The following MAP4 variants were observed in gnomAD, a reference collection of about 807,000 sequenced individuals.
MAP4 encodes the protein microtubule-associated protein 4.
Under a neutral mutation model 170.2 loss-of-function variants are expected in MAP4, and 76 were observed. That is an observed-to-expected ratio of 0.45 (90% CI 0.37 to 0.54). The LOEUF (loss-of-function observed/expected upper bound fraction) is 0.54, where lower values mean the gene tolerates loss of function less well. MAP4 is among the 20% of genes least tolerant of loss of function. MAP4 has a pLI of 0.00. For synonymous variants in MAP4, 909 were observed against 994.5 expected (o/e 0.91, Z 1.62); for missense variants, 2,506 against 2,748.0 (o/e 0.91, Z 1.97).
chr3:48,087,156 T>G (rs1452713026), intron 1 of MAP4, among the ~76,000 whole-genome samples: 2 of 152,224 alleles, frequency 1.3e-5, no homozygotes, highest in African/African-American at 4.8e-5. Flanking sequence ...ATTTGAAAAG[T>G]AGTAGTACGG....
intron 10 of MAP4, among the ~76,000 whole-genome samples, chr3:47,882,379 TTC>T (rs1465483318): frequency 2.6e-5 from 4 of 152,270 alleles, no homozygotes; most frequent in African/African-American, 7.2e-5. Flanking sequence ...TTTTTCTCAT[TTC>T]TGTTTCACTT....
chr3:48,056,727 G>T (rs1175512266), intron 1 of MAP4, among the ~76,000 whole-genome samples: 61 of 75,568 alleles, frequency 8.1e-4, no homozygotes, highest in South Asian at 3.1e-3. Flanking sequence ...GCCTCTGCCC[G>T]GCCGCCCCTA....
chr3:47,909,922 A>G lies in MAP4; in HGVS notation c.4499T>C (p.Val1500Ala), dbSNP rs748702499. 6.2e-7 allele frequency: 1 copy of G among 1,614,032 alleles called. No individual in the cohort carries two copies. Among genetic ancestry groups the G allele is most frequent in the Non-Finnish European group, 8.5e-7 (1 of 1,179,864 alleles). Residue 1500 changes from valine to alanine, a missense_variant, in exon 9 of 21, where the codon GTG becomes GCG. Val to Ala is a moderately conservative substitution (Grantham distance 64, BLOSUM62 0). Transcript: ENST00000683076. ...QERPKGPSAV[V>A]PSTSTGGVAL... ...AACTCCTCCTGTGCTTGTAGAGGGC[A>G]CAACAGCAGAGGGACCCTTGGGTCT... is the stretch of plus-strand genomic sequence containing the variant.
intron 10 of MAP4, chr3:47,891,888 T>G (rs1433419387): frequency 6.5e-7 from 1 of 1,535,918 alleles, no homozygotes; most frequent in Non-Finnish European, 8.7e-7. Flanking sequence ...TCTCCCGGAG[T>G]TGCTTCCCTT....
At chr3:47,927,624 T>C (rs1263771251) in intron 4 of MAP4, among the ~76,000 whole-genome samples, 1 of 152,118 alleles carries the variant, frequency 6.6e-6, no homozygotes, top group Non-Finnish European at 1.5e-5. Flanking sequence ...TACAGACATA[T>C]GCCACTACAC....
chr3:47,897,857 G>A (rs542004796), intron 10 of MAP4, among the ~76,000 whole-genome samples: 10 of 149,520 alleles, frequency 6.7e-5, no homozygotes, highest in Admixed American at 6.0e-4. Context: ...CAGGAGAATC[G>A]CTTGAACCTG....
chr3:48,000,333 CA>C (rs2100098480), intron 1 of MAP4, among the ~76,000 whole-genome samples: 1 of 150,936 alleles, frequency 6.6e-6, no homozygotes, highest in Non-Finnish European at 1.5e-5. Context: ...CGCCTGCTTT[CA>C]AAAAGTCTAA....
intron 15 of MAP4, 29 bp downstream of exon 15, chr3:47,870,784 T>A (rs200090514): frequency 4.6e-5 from 70 of 1,518,424 alleles, no homozygotes; most frequent in Non-Finnish European, 5.6e-5. Flanking sequence ...GGGGCCAGCA[T>A]GCCAGGACCC....
At chr3:48,065,005 G>A (rs936649955) in intron 1 of MAP4, among the ~76,000 whole-genome samples, 7 of 152,118 alleles carry the variant, frequency 4.6e-5, no homozygotes, top group Admixed American at 1.3e-4. Flanking sequence ...TAGTGTGCAC[G>A]TGTAGTCCCA....
At chr3:47,985,788 T>C (rs1443609702) in intron 2 of MAP4, among the ~76,000 whole-genome samples, 1 of 152,194 alleles carries the variant, frequency 6.6e-6, no homozygotes, top group Non-Finnish European at 1.5e-5. Context: ...TGATTCCAGA[T>C]TTAATTGCAG....
chr3:48,067,949 A>AT (rs1163832204), intron 1 of MAP4, among the ~76,000 whole-genome samples: 16 of 152,150 alleles, frequency 1.1e-4, no homozygotes, highest in Non-Finnish European at 2.2e-4. Context: ...CCAGAGAAGC[A>AT]TTTTTTTAAA....
intron 2 of MAP4, among the ~76,000 whole-genome samples, chr3:47,984,078 A>G (rs938886398): frequency 6.6e-6 from 1 of 151,980 alleles, no homozygotes; most frequent in Non-Finnish European, 1.5e-5. Context: ...TCTCATTTGC[A>G]CATATCTGTT....
chr3:47,916,006 T>C lies in MAP4; in HGVS notation c.1821A>G (p.Leu607=), dbSNP rs1258666027. Residue 607 remains leucine, a synonymous_variant, in exon 7 of 21, where the codon TTA becomes TTG. Coordinates refer to ENST00000683076, the MANE Select transcript of MAP4 (RefSeq NM_001385682.1). The part of the protein sequence containing the change: ...TQKGISEDSH[L]ESLQDVGQSA... ...ACTGCCCCACATCCTGCAGAGATTC[T>C]AAATGGGAATCCTCACTTATTCCTT... 6.2e-7 allele frequency: 1 copy of C among 1,614,222 alleles called. No homozygotes were observed. The highest frequency in any genetic ancestry group is 2.2e-5 in the East Asian group (1 of 44,890).
rs2095223458 is a variant in MAP4, at chr3:47,875,793, T to C, written c.5649A>G (p.Lys1883=). The C allele has an allele frequency of 6.2e-7, 1 of 1,613,936 alleles. No homozygotes were observed. Among genetic ancestry groups the C allele is most frequent in the African/African-American group, 1.3e-5 (1 of 74,906 alleles). ...AGCCTGAAGCAAGGCTCATGGGTTT[T>C]TTATTCAACCCACCAATGGTGGTGG... ...PAPTTIGGLN[K]KPMSLASGLV... Residue 1883 remains lysine (K), a synonymous_variant, in exon 12 of 21, where the codon AAA becomes AAG. Coordinates refer to ENST00000683076, the MANE Select transcript of MAP4 (RefSeq NM_001385682.1).
At chr3:48,038,819 A>G (rs1198736793) in intron 1 of MAP4, among the ~76,000 whole-genome samples, 2 of 151,988 alleles carry the variant, frequency 1.3e-5, no homozygotes, top group African/African-American at 4.8e-5. Context: ...AGTTGGCTGT[A>G]GGCCAAGGGC....
At chr3:47,977,966 C>A (rs1472523684) in intron 2 of MAP4, 33 bp from the exon 3 acceptor site, 20 of 1,466,188 alleles carry the variant, frequency 1.4e-5, no homozygotes, top group Non-Finnish European at 1.9e-5. Flanking sequence ...CCCATTGTGA[C>A]AGACAGAAAA....
At position 47,870,778 on chromosome 3, in the gene MAP4, C is replaced by A. The variant is rs200650720; in HGVS notation, c.6294+35G>T. 1.4e-5 allele frequency: 21 copies of A among 1,514,362 alleles called. No homozygotes were observed. The African/African-American group carries it at 2.5e-4, about 18-fold the overall frequency. 93.8% of individuals were successfully genotyped at this position (1,514,362 alleles called of 1,614,324 possible). A position where few individuals can be genotyped will look rare whatever the true frequency, so the allele number is the denominator to read the frequency against. ...GGAAATGGAGGGGAAGATGCAGGGGCCAGCATGCCAGGACCCCAAGCTCCC... is the reference window on the plus strand; with the variant it reads ...GGAAATGGAGGGGAAGATGCAGGGGACAGCATGCCAGGACCCCAAGCTCCC... On this transcript the variant is annotated intron_variant, in intron 15 of 20. Transcript: ENST00000683076.
intron 1 of MAP4, among the ~76,000 whole-genome samples, chr3:48,045,522 G>A (rs2100124024): frequency 6.6e-6 from 1 of 152,046 alleles, no homozygotes; most frequent in Non-Finnish European, 1.5e-5. Flanking sequence ...ATCTTCTGAG[G>A]TGGAAGAGTT....
chr3:47,952,079 G>A (rs1171209395), intron 3 of MAP4, among the ~76,000 whole-genome samples: 4 of 142,002 alleles, frequency 2.8e-5, no homozygotes, highest in Non-Finnish European at 4.6e-5. Flanking sequence ...CTGCCCGGCC[G>A]CCCCGTCTGA....
Sources: allele counts gnomAD v4.1 joint callset (sites outside exome capture counted in the v4.1 genomes callset), GRCh38; gene constraint gnomAD v4.1.1; transcripts MANE v1.5; gene names NCBI Gene and HGNC (gene_info 2026-07-23, HGNC 2026-07-21).